The following GPC6 variants were observed in gnomAD, a reference collection of about 807,000 sequenced individuals.
GPC6 encodes the protein glypican-6.
GPC6 carries 14 observed loss-of-function variants against 55.2 expected under a neutral mutation model. The ratio of observed to expected loss-of-function variants is 0.25; its 90% CI spans 0.17 to 0.40. GPC6 has a LOEUF of 0.40. Among genes scored for constraint, GPC6 ranks in the 10% least tolerant of loss-of-function variants. The pLI, the probability that GPC6 is intolerant of heterozygous loss-of-function variation, is 1.00. For missense variants in GPC6, 641 were observed against 708.5 expected (o/e 0.90, Z 1.08); for synonymous variants, 278 against 259.6 (o/e 1.07, Z -0.68).
chr13:93,566,485 G>C (rs1378694305), intron 2 of GPC6, among the ~76,000 whole-genome samples: 1 of 151,246 alleles, frequency 6.6e-6, no homozygotes, highest in Non-Finnish European at 1.5e-5. Flanking sequence ...CATGTGTAAG[G>C]TGAATGCAAC....
chr13:93,217,164 G>C, the GPC6 span, among the ~76,000 whole-genome samples: 1 of 152,142 alleles, frequency 6.6e-6, no homozygotes, highest in Admixed American at 6.5e-5. Flanking sequence ...GATTCATTAA[G>C]CTCTCATTCA....
chr13:93,758,177 G>A (rs548855875), intron 2 of GPC6, among the ~76,000 whole-genome samples: 20 of 152,308 alleles, frequency 1.3e-4, no homozygotes, highest in Admixed American at 3.3e-4. Context: ...AGTAGGCAGA[G>A]CTTCACATCA....
At chr13:94,323,176 G>T (rs1876929563) in intron 6 of GPC6, among the ~76,000 whole-genome samples, 1 of 152,086 alleles carries the variant, frequency 6.6e-6, no homozygotes, top group Admixed American at 6.6e-5. Flanking sequence ...AGCGGAGCCT[G>T]CCCCAGCCCA....
intron 4 of GPC6, among the ~76,000 whole-genome samples, chr13:94,074,334 T>C (rs1884836792): frequency 6.6e-6 from 1 of 152,192 alleles, no homozygotes; most frequent in African/African-American, 2.4e-5. Flanking sequence ...CAGAAGACTA[T>C]TATGTGCAGC....
chr13:93,569,219 T>C (rs931027970), intron 2 of GPC6, among the ~76,000 whole-genome samples: 8 of 152,100 alleles, frequency 5.3e-5, no homozygotes, highest in African/African-American at 1.7e-4. Flanking sequence ...TAATTAACTG[T>C]GGGATCATTA....
At chr13:93,827,066 A>T (rs894086342) in intron 2 of GPC6, among the ~76,000 whole-genome samples, 1 of 152,170 alleles carries the variant, frequency 6.6e-6, no homozygotes, top group East Asian at 1.9e-4. Flanking sequence ...ACTTTGATGT[A>T]TATTTTGTGA....
chr13:93,594,123 A>T lies in GPC6; in HGVS notation c.319+48702A>T, dbSNP rs148732449. Reference sequence around the variant, plus strand: ...GGATGGGAGCTTAGAGGTAAGCAGGATACTTTTTTCTATATATGACTTTAT... The same window carrying T: ...GGATGGGAGCTTAGAGGTAAGCAGGTTACTTTTTTCTATATATGACTTTAT... On this transcript the variant is annotated intron_variant, in intron 2 of 8. Coordinates refer to ENST00000377047, the MANE Select transcript of GPC6 (RefSeq NM_005708.5). 5.3e-5 allele frequency among the ~76,000 whole-genome samples: 8 copies of T among 152,164 alleles called. No homozygotes were observed. In the East Asian group the frequency reaches 9.6e-4, roughly 18 times the overall value.
intron 4 of GPC6, among the ~76,000 whole-genome samples, chr13:94,039,656 G>A (rs1378083205): frequency 1.3e-5 from 2 of 151,824 alleles, no homozygotes; most frequent in East Asian, 1.9e-4. Flanking sequence ...GAAAATAGTA[G>A]TGTTCTATGT....
intron 3 of GPC6, among the ~76,000 whole-genome samples, chr13:94,005,956 T>C (rs1235042676): frequency 6.6e-6 from 1 of 152,204 alleles, no homozygotes; most frequent in African/African-American, 2.4e-5. Flanking sequence ...ACTGAGTACT[T>C]TGATTTAGAA....
At chr13:93,287,672 T>G (rs1272267795) in intron 1 of GPC6, among the ~76,000 whole-genome samples, 1 of 152,214 alleles carries the variant, frequency 6.6e-6, no homozygotes, top group African/African-American at 2.4e-5. Context: ...AAGGTGTAAT[T>G]GAGTCTGCAA....
intron 1 of GPC6, among the ~76,000 whole-genome samples, chr13:93,245,023 G>A (rs1566538994): frequency 6.6e-6 from 1 of 152,138 alleles, no homozygotes; most frequent in Non-Finnish European, 1.5e-5. Flanking sequence ...GAATTAATGA[G>A]GTATTTGGCA....
At chr13:93,386,098 TAAAAAAAAA>T (rs34852109) in intron 1 of GPC6, among the ~76,000 whole-genome samples, 1 of 127,770 alleles carries the variant, frequency 7.8e-6, no homozygotes, top group Non-Finnish European at 1.6e-5. Context: ...ACCACTTTGT[TAAAAAAAAA>T]AAAAAAAAAA....
intron 4 of GPC6, among the ~76,000 whole-genome samples, chr13:94,170,197 A>G (rs1022425293): frequency 6.6e-6 from 1 of 152,238 alleles, no homozygotes; most frequent in African/African-American, 2.4e-5. Context: ...AAGCAATGGC[A>G]TCAGCAGTTA....
chr13:93,903,784 C>A (rs915923114), intron 3 of GPC6, among the ~76,000 whole-genome samples: 2 of 151,926 alleles, frequency 1.3e-5, no homozygotes, highest in African/African-American at 4.8e-5. Context: ...GTCTCCCCAC[C>A]CCGCCCCAAC....
At chr13:93,690,238 A>G (rs1430994739) in intron 2 of GPC6, among the ~76,000 whole-genome samples, 1 of 152,036 alleles carries the variant, frequency 6.6e-6, no homozygotes, top group African/African-American at 2.4e-5. Flanking sequence ...TATATAATTG[A>G]CCTGGGTAAT....
chr13:94,034,651 A>C (rs747065791), intron 4 of GPC6, among the ~76,000 whole-genome samples: 7 of 152,024 alleles, frequency 4.6e-5, no homozygotes, highest in Admixed American at 2.0e-4. Flanking sequence ...TTTACGCCCA[A>C]TTCCAACTTT....
rs141600737 is a variant in GPC6, at chr13:94,332,674, T to C, written c.1152+26551T>C. Reference sequence around the variant, plus strand: ...TAGTTTCATAGAAATAATAATGCCGTTGTGTCGAATTGTTGCAAGAAATAG... The same window carrying C: ...TAGTTTCATAGAAATAATAATGCCGCTGTGTCGAATTGTTGCAAGAAATAG... On this transcript the variant is annotated intron_variant, in intron 6 of 8. Transcript: ENST00000377047. Among the ~76,000 whole-genome samples, 402 of 152,328 alleles carry C rather than the reference T, an allele frequency of 2.6e-3. 4 individuals are homozygous for C. Among genetic ancestry groups the C allele is most frequent in the Non-Finnish European group, 4.7e-3 (319 of 68,020 alleles).
intron 4 of GPC6, among the ~76,000 whole-genome samples, chr13:94,195,535 G>A (rs773917464): frequency 6.6e-6 from 1 of 152,042 alleles, no homozygotes; most frequent in Admixed American, 6.5e-5. Flanking sequence ...TATTATTCTC[G>A]CTGACTTTGG....
intron 3 of GPC6, among the ~76,000 whole-genome samples, chr13:93,853,119 T>G (rs766956091): frequency 6.6e-6 from 1 of 151,728 alleles, no homozygotes; most frequent in Non-Finnish European, 1.5e-5. Flanking sequence ...ATGAAAAGTT[T>G]TATTTAAAAA....
Sources: allele counts gnomAD v4.1 joint callset (sites outside exome capture counted in the v4.1 genomes callset), GRCh38; gene constraint gnomAD v4.1.1; transcripts MANE v1.5; gene names NCBI Gene and HGNC (gene_info 2026-07-23, HGNC 2026-07-21).